Variants in GPR89A observed in about 807,000 individuals in gnomAD.
GPR89A encodes the protein golgi pH regulator A.
Under a neutral mutation model 52.0 loss-of-function variants are expected in GPR89A, and 16 were observed. That is an observed-to-expected ratio of 0.31 (90% CI 0.21 to 0.47). GPR89A has a LOEUF of 0.47. Ranked by LOEUF, GPR89A falls within the 20% of genes least tolerant of loss-of-function variation. The probability of loss-of-function intolerance (pLI) is 1.00; values close to 1 mark genes in which losing one functional copy is unlikely to be tolerated. For missense variants in GPR89A, 135 were observed against 449.4 expected (o/e 0.30, Z 6.33); for synonymous variants, 55 against 150.9 (o/e 0.36, Z 4.66).
chr1:145,627,921 A>G (rs782333054), intron 5 of GPR89A, among the ~76,000 whole-genome samples: 2 of 151,228 alleles, frequency 1.3e-5, no homozygotes, highest in Non-Finnish European at 1.5e-5. Flanking sequence ...GAAAGGCAAG[A>G]GATAGAATGG....
At chr1:145,639,252 G>T (rs1650465359) in intron 7 of GPR89A, among the ~76,000 whole-genome samples, 1 of 151,668 alleles carries the variant, frequency 6.6e-6, no homozygotes, top group Non-Finnish European at 1.5e-5. Flanking sequence ...ATCCCAGCAA[G>T]ATTTATTTGT....
Position 145,655,519 on chromosome 1 carries a change from CTGTT to C in GPR89A, c.910-7800_910-7797del, listed in dbSNP as rs1324417835. Among the ~76,000 whole-genome samples the C allele has an allele frequency of 5.3e-5, 8 of 152,198 alleles. No homozygotes were observed. In the East Asian group the frequency reaches 1.4e-3, roughly 26 times the overall value. On this transcript the variant is annotated intron_variant, in intron 10 of 13. Coordinates refer to ENST00000313835, the MANE Select transcript of GPR89A (RefSeq NM_001097612.2). The stretch of plus-strand genomic sequence containing the variant: ...TTTTTGTTGATGTTGTTGTTGCTTT[CTGTT>C]TGTTTGTTTTTAACAGTCAGGCCCC...
At chr1:145,662,303 C>A (rs1216471463) in intron 10 of GPR89A, among the ~76,000 whole-genome samples, 1 of 151,944 alleles carries the variant, frequency 6.6e-6, no homozygotes, top group Non-Finnish European at 1.5e-5. Flanking sequence ...TCATTGTGTA[C>A]CCCTTGTTGA....
intron 1 of GPR89A, among the ~76,000 whole-genome samples, chr1:145,609,102 C>A (rs1301135405): frequency 1.3e-5 from 2 of 152,150 alleles, no homozygotes; most frequent in Admixed American, 6.5e-5. Flanking sequence ...GCTCAGACTG[C>A]CTGTTGACCT....
In GPR89A at chr1:145,608,077, C is replaced by G; in HGVS notation, c.-57C>G. 3.7e-6 allele frequency: 6 copies of G among 1,606,050 alleles called. No individual in the cohort carries two copies. The highest frequency in any genetic ancestry group is 2.7e-5 in the African/African-American group (2 of 74,280). ...CGTGTGAGGGGGCCTGTGGCCCCAG[C>G]GTGCTGTGGCCTCGGGGAGTGGGAA... On this transcript the variant is annotated 5_prime_UTR_variant, in exon 1 of 14. Transcript: ENST00000313835.
intron 7 of GPR89A, among the ~76,000 whole-genome samples, chr1:145,643,653 G>T (rs1321136445): frequency 1.3e-5 from 2 of 150,982 alleles, no homozygotes; most frequent in Non-Finnish European, 3.0e-5. Context: ...CAAATTTATT[G>T]CCTAGCCCAA....
chr1:145,617,141 A>G (rs1391921390), intron 2 of GPR89A, among the ~76,000 whole-genome samples: 1 of 152,258 alleles, frequency 6.6e-6, no homozygotes, highest in African/African-American at 2.4e-5. Flanking sequence ...TCTCAACCGC[A>G]TAAGACAGAC....
chr1:145,621,812 A>C (rs1328490014), intron 3 of GPR89A, among the ~76,000 whole-genome samples: 1 of 151,992 alleles, frequency 6.6e-6, no homozygotes, highest in East Asian at 1.9e-4. Flanking sequence ...GCCAGTAAGC[A>C]CATATGAATA....
chr1:145,616,430 G>A, intron 2 of GPR89A, 137 bp downstream of exon 2: 1 of 755,336 alleles, frequency 1.3e-6, no homozygotes, highest in Non-Finnish European at 2.2e-6. Flanking sequence ...CTATTAGATT[G>A]CAGAATATAA....
chr1:145,626,230 G>A (rs1229434559), intron 5 of GPR89A, among the ~76,000 whole-genome samples: 12 of 150,964 alleles, frequency 7.9e-5, no homozygotes, highest in Admixed American at 5.9e-4. Context: ...CTGCTGACAG[G>A]GCAAATACAG....
intron 11 of GPR89A, 37 bp downstream of exon 11, chr1:145,663,461 C>A: frequency 6.2e-7 from 1 of 1,610,376 alleles, no homozygotes; most frequent in Admixed American, 1.7e-5. Flanking sequence ...TGTCATGTTT[C>A]TGTTTTATCT....
At chr1:145,628,747 C>T (rs1467714842) in intron 5 of GPR89A, among the ~76,000 whole-genome samples, 39 of 152,054 alleles carry the variant, frequency 2.6e-4, no homozygotes, top group Admixed American at 2.6e-3. Context: ...TAATTTCATT[C>T]AATAAAGAAG....
chr1:145,647,585 C>G (rs587715776), intron 10 of GPR89A, among the ~76,000 whole-genome samples: 933 of 151,590 alleles, frequency 6.2e-3, no homozygotes, highest in African/African-American at 0.022. Context: ...AGGCATATCA[C>G]CTGAGGTCAG....
At chr1:145,617,554 G>A (rs587711834) in intron 2 of GPR89A, among the ~76,000 whole-genome samples, 7 of 152,202 alleles carry the variant, frequency 4.6e-5, no homozygotes, top group African/African-American at 1.7e-4. Context: ...AAATGTCCAT[G>A]AAATCTTCAC....
At position 145,662,045 on chromosome 1, in the gene GPR89A, A is replaced by G. The variant is rs868989795; in HGVS notation, c.910-1284A>G. Among the ~76,000 whole-genome samples the G allele has an allele frequency of 1.0e-3, 154 of 152,314 alleles. 2 individuals carry two copies. Among genetic ancestry groups the G allele is most frequent in the South Asian group, 2.7e-3 (13 of 4,822 alleles). ...TATTGACTTGTTTTCTGTCCCAGAC[A>G]GAATATGGTGATAAATGTCTTACCT... On this transcript the variant is annotated intron_variant, in intron 10 of 13. Transcript: ENST00000313835.
At chr1:145,654,857 TCTC>T (rs750364434) in intron 10 of GPR89A, among the ~76,000 whole-genome samples, 89 of 152,176 alleles carry the variant, frequency 5.8e-4, no homozygotes, top group Non-Finnish European at 6.5e-4. Flanking sequence ...TTGGGGAAGT[TCTC>T]CTGGATGATA....
intron 7 of GPR89A, among the ~76,000 whole-genome samples, chr1:145,638,076 TAGG>T (rs1553691126): frequency 2.1e-5 from 3 of 144,930 alleles, no homozygotes. Context: ...GAAGCTGAGG[TAGG>T]AGAATCACTT....
chr1:145,635,103 A>G (rs1363494839), intron 7 of GPR89A, among the ~76,000 whole-genome samples: 1 of 152,192 alleles, frequency 6.6e-6, no homozygotes, highest in Admixed American at 6.5e-5. Flanking sequence ...GCCTTAATGT[A>G]AGAGATAACA....
chr1:145,610,121 A>G (rs1648149996), intron 1 of GPR89A, among the ~76,000 whole-genome samples: 1 of 151,938 alleles, frequency 6.6e-6, no homozygotes, highest in African/African-American at 2.4e-5. Flanking sequence ...TTGCGGGCAC[A>G]TAGTAGAGTT....
Sources: gnomAD v4.1 joint callset for allele counts (sites outside exome capture counted in the v4.1 genomes callset) on GRCh38, gnomAD v4.1.1 for gene constraint, MANE v1.5 for transcripts, NCBI Gene and HGNC (gene_info 2026-07-23, HGNC 2026-07-21) for gene names.